Variants in MYO15B observed in about 807,000 individuals in gnomAD.
MYO15B encodes myosin XVB.
A neutral mutation model predicts 119.3 loss-of-function variants in MYO15B; 207 were observed. The observed-to-expected ratio is 1.73, with a 90% CI of 1.55 to 1.95. MYO15B has a LOEUF of 1.95. Among genes scored for constraint, MYO15B ranks in the 30% most tolerant of loss-of-function variants. MYO15B has a pLI of 0.00. For synonymous variants in MYO15B, 966 were observed against 498.9 expected, an observed-to-expected ratio of 1.94 and a Z score of -12.48; for missense variants, 2,264 against 1,203.1, an observed-to-expected ratio of 1.88 and a Z score of -13.04.
chr17:75,594,945 C>T, exon 12 of MYO15B: 1 of 703,082 alleles, frequency 1.4e-6, no homozygotes, highest in Non-Finnish European at 2.6e-6. Context: ...TTGGCACCGT[C>T]ACTGTCGTGG....
chr17:75,591,422 A>G, intron 4 of MYO15B, 176 bp downstream of exon 4: 1 of 617,712 alleles, frequency 1.6e-6, no homozygotes, highest in Non-Finnish European at 2.9e-6. Flanking sequence ...GGAATGTGGC[A>G]TCTTGGGGAC....
intron 14 of MYO15B, among the ~76,000 whole-genome samples, chr17:75,599,719 C>A (rs1173227094): frequency 1.3e-5 from 2 of 151,660 alleles, no homozygotes; most frequent in Admixed American, 6.6e-5. Context: ...ACAGTGTAAA[C>A]CCTGTCTCTA....
At position 75,588,741 on chromosome 17, in the gene MYO15B, GC is replaced by G; in HGVS notation, c.688del (p.Leu230TrpfsTer139). ...GCCGGGAAGGGTCGTCGGGGACGGG[GC>G]CCCTGGGAGCCAGCGAGCATTCCGG... On this transcript the variant is annotated frameshift_variant, in exon 1 of 64. Transcript: ENST00000645453. LOFTEE classifies it high-confidence loss of function. 1 of 398,890 alleles carries G rather than the reference GC, an allele frequency of 2.5e-6. No homozygotes were observed. The allele number at this position is 398,890 out of a possible 1,614,324, so 24.7% of individuals were successfully genotyped here. A position where few individuals can be genotyped will look rare whatever the true frequency, so the allele number is the denominator to read the frequency against.
chr17:75,626,345 G>C, intron 63 of MYO15B, 62 bp from the exon 64 acceptor site: 1 of 701,980 alleles, frequency 1.4e-6, no homozygotes, highest in Non-Finnish European at 2.6e-6. Context: ...AGTGCTGTGG[G>C]CCGGGGCAGA....
chr17:75,616,736 A>G (rs1210083361), exon 39 of MYO15B: 12 of 702,948 alleles, frequency 1.7e-5, no homozygotes, highest in East Asian at 1.3e-4. Flanking sequence ...CATCATCCGC[A>G]TGTACCAGAG....
chr17:75,605,864 G>A lies in MYO15B; in HGVS notation c.4135G>A (p.Val1379Ile), dbSNP rs193196302. Residue 1379 changes from valine to isoleucine, a missense_variant and splice_region_variant, in exon 21 of 64, where the codon GTC (valine) becomes ATC (isoleucine). Coordinates refer to ENST00000645453, the Ensembl canonical transcript of MYO15B. Reference sequence around the variant, plus strand: ...CTACAGCCCACCCCTCTACCCACAGGTCCTGCTGCAGGAGCAGGGCTGGCA... The same window carrying A: ...CTACAGCCCACCCCTCTACCCACAGATCCTGCTGCAGGAGCAGGGCTGGCA... 7.4e-3 allele frequency: 5,116 copies of A among 693,384 alleles called. 41 individuals carry two copies. Among genetic ancestry groups the A allele is most frequent in the Non-Finnish European group, 9.8e-3 (3,707 of 378,638 alleles). 43.0% of individuals were successfully genotyped at this position (693,384 alleles called of 1,614,324 possible). A position where few individuals can be genotyped will look rare whatever the true frequency, so the allele number is the denominator to read the frequency against.
At chr17:75,602,020 C>A (rs756683676) in intron 15 of MYO15B, among the ~76,000 whole-genome samples, 1 of 152,000 alleles carries the variant, frequency 6.6e-6, no homozygotes, top group Non-Finnish European at 1.5e-5. Flanking sequence ...AGAAGCTGCA[C>A]GCGTGCCTAC....
intron 9 of MYO15B, 161 bp downstream of exon 9, chr17:75,593,001 G>C: frequency 1.7e-6 from 1 of 573,874 alleles, no homozygotes; most frequent in Non-Finnish European, 3.1e-6. Context: ...CTGAGACATA[G>C]AGCTTCTCCA....
chr17:75,609,862 T>C (rs1251078837), intron 21 of MYO15B, among the ~76,000 whole-genome samples: 1 of 151,800 alleles, frequency 6.6e-6, no homozygotes, highest in African/African-American at 2.4e-5. Context: ...TGCTGTAATT[T>C]TTGTATTTTT....
intron 21 of MYO15B, among the ~76,000 whole-genome samples, chr17:75,608,202 T>C (rs979836340): frequency 1.3e-5 from 2 of 152,126 alleles, no homozygotes; most frequent in African/African-American, 4.8e-5. Flanking sequence ...CACTGCAACC[T>C]CTGCCCCCTG....
chr17:75,625,255 C>T lies in MYO15B; in HGVS notation c.8804+17C>T. The T allele has an allele frequency of 4.4e-6, 3 of 688,896 alleles. No homozygotes were observed. Among genetic ancestry groups the T allele is most frequent in the Non-Finnish European group, 8.0e-6 (3 of 376,442 alleles). 42.7% of individuals were successfully genotyped at this position (688,896 alleles called of 1,614,324 possible). A position where few individuals can be genotyped will look rare whatever the true frequency, so the allele number is the denominator to read the frequency against. ...CCCCTCAGGGTGAGTGGAGGCACCT[C>T]CCGCCCCTAAGCCCCTCCCCTTCTC... On this transcript the variant is annotated intron_variant, in intron 60 of 63. Coordinates refer to ENST00000645453, the Ensembl canonical transcript of MYO15B.
At position 75,593,197 on chromosome 17, in the gene MYO15B, TAAAAAAAAA is replaced by T. The variant is rs5822094; in HGVS notation, c.2991+372_2991+380del. The stretch of plus-strand genomic sequence containing the variant: ...CAACATAGAGAAACCCCGTCTCTAT[TAAAAAAAAA>T]AAAAAAAAAAAAAAGGGTTGGCGGT... On this transcript the variant is annotated intron_variant, in intron 9 of 63. Coordinates refer to ENST00000645453, the Ensembl canonical transcript of MYO15B. Among the ~76,000 whole-genome samples, 9 of 74,230 alleles carry T rather than the reference TAAAAAAAAA, an allele frequency of 1.2e-4. No homozygotes were observed. The East Asian group carries it at 2.9e-3, about 24-fold the overall frequency. 48.7% of individuals were successfully genotyped at this position (74,230 alleles called of 152,430 possible).
In MYO15B at chr17:75,614,190, C is replaced by T. The variant is rs1007433265; in HGVS notation, c.5220-9C>T. ...CGCCTGCCTCACTGACTGGTCCCCT[C>T]CCACCCAGAGGCCTGGAGGCGCCTC... On this transcript the variant is annotated splice_polypyrimidine_tract_variant and intron_variant, in intron 29 of 63. Coordinates refer to ENST00000645453, the Ensembl canonical transcript of MYO15B. The T allele has an allele frequency of 1.1e-5, 8 of 702,170 alleles. No homozygotes were observed. Among genetic ancestry groups the T allele is most frequent in the East Asian group, 8.1e-5 (3 of 37,264 alleles). The allele number at this position is 702,170 out of a possible 1,614,324, so 43.5% of individuals were successfully genotyped here.
At chr17:75,625,853 G>C (rs1432835931) in exon 62 of MYO15B, 1 of 702,942 alleles carries the variant, frequency 1.4e-6, no homozygotes, top group Non-Finnish European at 2.6e-6. Context: ...GAGGCCATGA[G>C]CCAGCTGCCC....
At chr17:75,625,648 A>G (rs945116241) in exon 61 of MYO15B, 3 of 702,892 alleles carry the variant, frequency 4.3e-6, no homozygotes, top group Non-Finnish European at 7.8e-6. Context: ...GGAAGCACAG[A>G]TCAGCTTCAT....
At chr17:75,592,577 G>A (rs1174439743) in intron 8 of MYO15B, 36 bp downstream of exon 8, 1 of 623,640 alleles carries the variant, frequency 1.6e-6, no homozygotes, top group Non-Finnish European at 2.9e-6. Flanking sequence ...GGGGAGGCCT[G>A]CCCAGAGGAG....
intron 47 of MYO15B, 90 bp downstream of exon 47, chr17:75,620,110 T>G (rs2058619061): frequency 1.5e-6 from 1 of 662,414 alleles, no homozygotes; most frequent in South Asian, 1.6e-5. Flanking sequence ...GGGCAGGGGC[T>G]GGGAGTTTGG....
At position 75,626,390 on chromosome 17, in the gene MYO15B, G is replaced by C; in HGVS notation, c.9214-17G>C. On this transcript the variant is annotated splice_polypyrimidine_tract_variant and intron_variant, in intron 63 of 63. Transcript: ENST00000645453. The stretch of plus-strand genomic sequence containing the variant: ...CTGGCTGGGGAGCCCTCTTGTAACA[G>C]GCCTTTCTCTGGGCAGGCCCAGGAG... 2 of 703,126 alleles carry C rather than the reference G, an allele frequency of 2.8e-6. No homozygotes were observed. The highest frequency in any genetic ancestry group is 5.2e-6 in the Non-Finnish European group (2 of 385,014). 43.6% of individuals were successfully genotyped at this position (703,126 alleles called of 1,614,324 possible).
exon 1 of MYO15B, chr17:75,588,367 G>A (rs1476253019): frequency 5.0e-6 from 2 of 398,548 alleles, no homozygotes; most frequent in African/African-American, 2.1e-5. Context: ...CGGGCCCAGG[G>A]GCGGCCGCGG....
Sources: gnomAD v4.1 joint callset for allele counts (sites outside exome capture counted in the v4.1 genomes callset) on GRCh38, gnomAD v4.1.1 for gene constraint, MANE v1.5 for transcripts, NCBI Gene and HGNC (gene_info 2026-07-23, HGNC 2026-07-21) for gene names.